NIPBL: variants seen among roughly 807,000 people sequenced by gnomAD.
NIPBL encodes the protein NIPBL cohesin loading factor, also known as nipped-B-like protein.
In NIPBL, 19 loss-of-function variants were observed where a neutral mutation model predicts 321.8. That is an observed-to-expected ratio of 0.06 (90% CI 0.04 to 0.09). The LOEUF is 0.09. Ranked by LOEUF, NIPBL falls within the 10% of genes least tolerant of loss-of-function variation. The probability of loss-of-function intolerance (pLI) is 1.00; values close to 1 mark genes in which losing one functional copy is unlikely to be tolerated. For missense variants in NIPBL, 2,210 were observed against 3,327.0 expected (o/e 0.66, Z 8.26); for synonymous variants, 1,106 against 1,114.1 (o/e 0.99, Z 0.14).
intron 4 of NIPBL, among the ~76,000 whole-genome samples, chr5:36,960,278 T>C (rs1425757025): frequency 1.3e-5 from 2 of 151,958 alleles, no homozygotes; most frequent in African/African-American, 4.8e-5. Context: ...AAACTAGTAA[T>C]TCCAGTTTGT....
At chr5:37,045,676 A>G (rs1752901392) in intron 37 of NIPBL, 79 bp downstream of exon 37, 1 of 1,415,182 alleles carries the variant, frequency 7.1e-7, no homozygotes, top group Non-Finnish European at 1.0e-6. Context: ...GTAGTGACCC[A>G]GGATGAAGGC....
In NIPBL at chr5:36,886,104, A is replaced by AT. The variant is rs1323324780; in HGVS notation, c.-80+8927dup. ...GAGATGACACTCACGGAGCTGAGACATACGGTCCAGTCCTTGGAGATCCAT... is the reference window on the plus strand; with the variant it reads ...GAGATGACACTCACGGAGCTGAGACATTACGGTCCAGTCCTTGGAGATCCAT... On this transcript the variant is annotated intron_variant, in intron 1 of 46. Coordinates refer to ENST00000282516, the MANE Select transcript of NIPBL (RefSeq NM_133433.4). 11 of 677,116 alleles carry AT rather than the reference A, an allele frequency of 1.6e-5. No homozygotes were observed. In the Admixed American group the frequency reaches 2.1e-4, roughly 13 times the overall value. 41.9% of individuals were successfully genotyped at this position (677,116 alleles called of 1,614,324 possible). A position where few individuals can be genotyped will look rare whatever the true frequency, so the allele number is the denominator to read the frequency against.
At chr5:36,949,265 A>G (rs956819379) in intron 1 of NIPBL, among the ~76,000 whole-genome samples, 7 of 151,994 alleles carry the variant, frequency 4.6e-5, no homozygotes, top group Middle Eastern at 3.4e-3. Flanking sequence ...CTTCTTGGCT[A>G]TATATTTTGA....
At chr5:36,941,642 TTC>T (rs1739075341) in intron 1 of NIPBL, among the ~76,000 whole-genome samples, 1 of 152,148 alleles carries the variant, frequency 6.6e-6, no homozygotes, top group Admixed American at 6.5e-5. Context: ...GGTCATTTGA[TTC>T]TGTTTCCATT....
intron 4 of NIPBL, 27 bp from the exon 5 acceptor site, chr5:36,961,457 C>CA (rs1561082341): frequency 7.9e-7 from 1 of 1,259,778 alleles, no homozygotes; most frequent in Non-Finnish European, 1.2e-6. Flanking sequence ...AAGAAAATAA[C>CA]GTTCTGTATT....
chr5:37,012,997 G>GGT (rs1357238048), intron 21 of NIPBL, among the ~76,000 whole-genome samples: 3 of 152,154 alleles, frequency 2.0e-5, no homozygotes, highest in African/African-American at 2.4e-5. Flanking sequence ...TCCCAGACGG[G>GGT]GTGGTGGCCG....
intron 1 of NIPBL, among the ~76,000 whole-genome samples, chr5:36,905,958 A>T (rs936621012): frequency 1.3e-5 from 2 of 151,970 alleles, no homozygotes; most frequent in Non-Finnish European, 2.9e-5. Context: ...GTTAGCCAGG[A>T]TGGTCTCGAT....
At chr5:36,882,568 A>G (rs1416214103) in intron 1 of NIPBL, among the ~76,000 whole-genome samples, 1 of 151,884 alleles carries the variant, frequency 6.6e-6, no homozygotes, top group East Asian at 1.9e-4. Context: ...CCACCCAACT[A>G]CTCAGTGAAG....
intron 29 of NIPBL, among the ~76,000 whole-genome samples, chr5:37,023,382 G>T (rs1300196489): frequency 6.6e-6 from 1 of 152,106 alleles, no homozygotes; most frequent in African/African-American, 2.4e-5. Context: ...CTTCATGTAT[G>T]ATGCTTTTTA....
chr5:37,038,609 C>G lies in NIPBL; in HGVS notation c.5979C>G (p.Asp1993Glu). ...LKYEESLADS[D>E]NKGVNSGRLV... The stretch of plus-strand genomic sequence containing the variant: ...CTCTGTTTGTTTTTCCAGACTCTGA[C>G]AATAAAGGTGTGAATTCTGGAAGAT... The change falls in exon 34 of 47, where the codon GAC (aspartate) becomes GAG (glutamate). Residue 1993 changes from aspartate to glutamate, a missense_variant. By Grantham distance (45) the Asp-to-Glu change is conservative. This residue lies in a region of NIPBL where 69 missense variants were observed against 100.8 expected (regional missense o/e 0.68). Coordinates refer to ENST00000282516, the MANE Select transcript of NIPBL (RefSeq NM_133433.4). 1 of 1,613,462 alleles carries G rather than the reference C, an allele frequency of 6.2e-7. No homozygotes were observed. The highest frequency in any genetic ancestry group is 8.5e-7 in the Non-Finnish European group (1 of 1,179,694).
In NIPBL at chr5:36,976,413, C is replaced by G. The variant is rs749655381; in HGVS notation, c.1495+11C>G. 3 of 1,600,586 alleles carry G rather than the reference C, an allele frequency of 1.9e-6. No individual in the cohort carries two copies. The highest frequency in any genetic ancestry group is 3.3e-5 in the Admixed American group (2 of 59,960). ...AAGTTCAAGATAAAGGTAAAATAAT[C>G]TCATTATTACCACTTCATCATCTGG... On this transcript the variant is annotated intron_variant, in intron 9 of 46. Coordinates refer to ENST00000282516, the MANE Select transcript of NIPBL (RefSeq NM_133433.4).
rs773545402 is a variant in NIPBL, at chr5:37,064,757, G to A, written c.8280G>A (p.Val2760=). 6.2e-7 allele frequency: 1 copy of A among 1,614,204 alleles called. No homozygotes were observed. The highest frequency in any genetic ancestry group is 8.5e-7 in the Non-Finnish European group (1 of 1,180,040). The change falls in exon 47 of 47, where the codon GTG becomes GTA. Residue 2760 remains valine, a synonymous_variant. Coordinates refer to ENST00000282516, the MANE Select transcript of NIPBL (RefSeq NM_133433.4). ...AGCGCCGTGATGGCCGCAAACTGGT[G>A]CCTTGGGTAGACACTATTAAAGAGT... is the stretch of plus-strand genomic sequence containing the variant. ...EAKRRDGRKL[V]PWVDTIKESD...
intron 1 of NIPBL, among the ~76,000 whole-genome samples, chr5:36,912,316 T>C (rs956956204): frequency 6.6e-6 from 1 of 152,020 alleles, no homozygotes; most frequent in African/African-American, 2.4e-5. Context: ...GCAGTAACTT[T>C]AGTGGCTGAG....
Position 36,985,518 on chromosome 5 carries a change from T to A in NIPBL, c.2338T>A (p.Ser780Thr). 6.2e-7 allele frequency: 1 copy of A among 1,613,308 alleles called. No homozygotes were observed. The highest frequency in any genetic ancestry group is 8.5e-7 in the Non-Finnish European group (1 of 1,179,864). The stretch of plus-strand genomic sequence containing the variant: ...ATCTACAGAGAAAAAACCTGAAGTG[T>A]CTAAACATAAACAAGATACTAAATC... Reference protein sequence around the residue: ...KPSTEKKPEVSKHKQDTKSDS... With the variant: ...KPSTEKKPEVTKHKQDTKSDS... Residue 780 changes from serine to threonine, a missense_variant, in exon 10 of 47, where the codon TCT becomes ACT. Physicochemically the swap from Ser to Thr is moderately conservative, Grantham distance 58 (BLOSUM62 1). This residue lies in a region of NIPBL where 588 missense variants were observed against 564.1 expected (regional missense o/e 1.04). Transcript: ENST00000282516.
intron 1 of NIPBL, among the ~76,000 whole-genome samples, chr5:36,930,917 A>G (rs1158117412): frequency 1.3e-5 from 2 of 152,060 alleles, no homozygotes; most frequent in African/African-American, 4.8e-5. Context: ...AGTCATTTTT[A>G]TATGTTGATG....
At chr5:37,002,608 G>T in intron 14 of NIPBL, 54 bp from the exon 15 acceptor site, 1 of 1,177,586 alleles carries the variant, frequency 8.5e-7, no homozygotes, top group South Asian at 1.2e-5. Context: ...TTGACATTTT[G>T]AACTATTTTA....
chr5:36,878,033 ACACT>A (rs1311995375), intron 1 of NIPBL, among the ~76,000 whole-genome samples: 2 of 152,304 alleles, frequency 1.3e-5, no homozygotes, highest in South Asian at 2.1e-4. Context: ...TATACGTAAA[ACACT>A]CAGGTACTTC....
chr5:37,008,833 A>G, intron 20 of NIPBL, 110 bp downstream of exon 20: 2 of 723,376 alleles, frequency 2.8e-6, no homozygotes, highest in Non-Finnish European at 5.0e-6. Context: ...ATTAAAAACT[A>G]GGCAGTTACA....
chr5:36,932,889 C>G (rs1437121014), intron 1 of NIPBL, among the ~76,000 whole-genome samples: 1 of 148,682 alleles, frequency 6.7e-6, no homozygotes, highest in African/African-American at 2.5e-5. Flanking sequence ...GACTCACACT[C>G]TCTGCTCAAG....
Sources: allele counts gnomAD v4.1 joint callset (sites outside exome capture counted in the v4.1 genomes callset), GRCh38; gene constraint gnomAD v4.1.1; regional missense constraint gnomAD v4.1.1; transcripts MANE v1.5; gene names NCBI Gene and HGNC (gene_info 2026-07-23, HGNC 2026-07-21).